TESPA1: variants seen among roughly 807,000 people sequenced by gnomAD.
TESPA1 encodes protein TESPA1.
Under a neutral mutation model 57.9 loss-of-function variants are expected in TESPA1, and 33 were observed. The observed-to-expected ratio is 0.57, with a 90% CI of 0.43 to 0.76. The LOEUF (loss-of-function observed/expected upper bound fraction) is 0.76. TESPA1 is among the 30% of genes least tolerant of loss of function. The probability of loss-of-function intolerance (pLI) is 0.00; values close to 1 mark genes in which losing one functional copy is unlikely to be tolerated. For synonymous variants in TESPA1, 227 were observed against 228.9 expected (o/e 0.99, Z 0.07); for missense variants, 618 against 632.9 (o/e 0.98, Z 0.25).
At chr12:54,959,378 T>C (rs1236659205) in intron 10 of TESPA1, among the ~76,000 whole-genome samples, 1 of 152,216 alleles carries the variant, frequency 6.6e-6, no homozygotes, top group Admixed American at 6.5e-5. Context: ...AGGAATAGAA[T>C]GCTCTGCTGC....
At chr12:54,970,088 A>G (rs1035621967) in intron 3 of TESPA1, among the ~76,000 whole-genome samples, 1 of 152,022 alleles carries the variant, frequency 6.6e-6, no homozygotes, top group Non-Finnish European at 1.5e-5. Context: ...ATGCCTGGCT[A>G]ATTTTAAAAA....
In TESPA1 at chr12:54,962,877, G is replaced by T. The variant is rs1443885878; in HGVS notation, c.1021C>A (p.Gln341Lys). Residue 341 changes from glutamine to lysine, a missense_variant, in exon 9 of 11, where the codon CAG becomes AAG. Gln to Lys is a moderately conservative substitution (Grantham distance 53). Around this residue, in one of 3 missense-constraint regions of TESPA1, gnomAD observed 409 missense variants for 420.1 expected, o/e 0.97. Transcript: ENST00000449076. ...TCAGCAGGGGGCACAGGATCTTCCT[G>T]TGAGAATTGCCCCAAATCAGAGTCT... ...QQDSDLGQFSQEDPVPPAEGK... is the reference protein window; with the variant it reads ...QQDSDLGQFSKEDPVPPAEGK... 1 of 1,613,640 alleles carries T rather than the reference G, an allele frequency of 6.2e-7. No homozygotes were observed. The highest frequency in any genetic ancestry group is 2.2e-5 in the East Asian group (1 of 44,860).
At chr12:54,952,427 A>T (rs951172823) in intron 10 of TESPA1, among the ~76,000 whole-genome samples, 2 of 152,260 alleles carry the variant, frequency 1.3e-5, no homozygotes, top group Non-Finnish European at 2.9e-5. Flanking sequence ...CTTTTTCTAA[A>T]TAGTCAAACA....
Position 54,966,053 on chromosome 12 carries a change from C to G in TESPA1, c.446G>C (p.Ser149Thr). The change falls in exon 7 of 11, where the codon AGC becomes ACC. Residue 149 changes from serine to threonine, a missense_variant and splice_region_variant. Ser to Thr is a moderately conservative substitution (Grantham distance 58, BLOSUM62 1). Coordinates refer to ENST00000449076, the MANE Select transcript of TESPA1 (RefSeq NM_001136030.3). ...CACCCTGCCAAACTTCAGTACCTAC[C>G]TTGAACTAGTCTTGTTGGTCCCCCC... is the stretch of plus-strand genomic sequence containing the variant. ...MTGGTNKTSS[S>T]ISEILDKVQE... The G allele has an allele frequency of 6.4e-7, 1 of 1,568,198 alleles. No homozygotes were observed. Among genetic ancestry groups the G allele is most frequent in the Non-Finnish European group, 8.7e-7 (1 of 1,155,426 alleles).
Position 54,962,922 on chromosome 12 carries a change from C to T in TESPA1, c.976G>A (p.Glu326Lys). ...VLEVMDKVKE[E>K]KQFLQQDSDL... ...GAGTCTTGCTGGAGGAACTGCTTCT[C>T]TTCTTTCACTTTGTCCATCACTTCC... Residue 326 changes from glutamate to lysine, a missense_variant, in exon 9 of 11, where the codon GAG becomes AAG. Transcript: ENST00000449076. 1.2e-6 allele frequency: 2 copies of T among 1,613,766 alleles called. No individual in the cohort carries two copies. The highest frequency in any genetic ancestry group is 1.1e-5 in the South Asian group (1 of 91,072).
intron 10 of TESPA1, among the ~76,000 whole-genome samples, chr12:54,959,822 C>T (rs1221817126): frequency 1.3e-5 from 2 of 152,146 alleles, no homozygotes; most frequent in African/African-American, 4.8e-5. Context: ...GCCAGACCAG[C>T]AACTGAAACC....
chr12:54,961,414 G>A (rs906635679), intron 9 of TESPA1, 147 bp from the exon 10 acceptor site: 2 of 781,446 alleles, frequency 2.6e-6, no homozygotes, highest in Non-Finnish European at 4.2e-6. Context: ...CAGTAATGAG[G>A]AAGGCAGGAG....
Position 54,963,877 on chromosome 12 carries a change from C to G in TESPA1, c.520G>C (p.Asp174His). Residue 174 changes from aspartate (D) to histidine (H), a missense_variant, in exon 8 of 11, where the codon GAT becomes CAT. Physicochemically the swap from Asp to His is moderately conservative, Grantham distance 81. This residue lies in a region of TESPA1 where 10 missense variants were observed against 28.8 expected (regional missense o/e 0.35). Coordinates refer to ENST00000449076, the MANE Select transcript of TESPA1 (RefSeq NM_001136030.3). ...GGTATCCGAGAAGTGTCTTTGTGAT[C>G]CTCTTGGCCAAAGCCCAGACTGAAG... ...VLFSLGFGQEDHKDTSRIPAR... is the reference protein window; with the variant it reads ...VLFSLGFGQEHHKDTSRIPAR... 1 of 1,614,012 alleles carries G rather than the reference C, an allele frequency of 6.2e-7. No individual in the cohort carries two copies. Among genetic ancestry groups the G allele is most frequent in the African/African-American group, 1.3e-5 (1 of 75,050 alleles).
At chr12:54,960,977 TG>T (rs2136087877) in intron 10 of TESPA1, among the ~76,000 whole-genome samples, 190 bp downstream of exon 10, 1 of 152,262 alleles carries the variant, frequency 6.6e-6, no homozygotes, top group African/African-American at 2.4e-5. Context: ...TGGGCATCAT[TG>T]ATCTAGAGAG....
intron 10 of TESPA1, among the ~76,000 whole-genome samples, chr12:54,957,587 T>C (rs1467833011): frequency 2.0e-5 from 3 of 152,190 alleles, no homozygotes; most frequent in Admixed American, 6.5e-5. Flanking sequence ...AAATAGGTTA[T>C]AGCTTTGTGA....
chr12:54,971,776 T>G (rs1373721192), intron 3 of TESPA1, among the ~76,000 whole-genome samples: 1 of 152,148 alleles, frequency 6.6e-6, no homozygotes, highest in Non-Finnish European at 1.5e-5. Flanking sequence ...TTATTTTACT[T>G]CTAAAGTCAA....
chr12:54,965,925 G>A, intron 7 of TESPA1, 128 bp downstream of exon 7: 2 of 818,626 alleles, frequency 2.4e-6, no homozygotes. Flanking sequence ...CATTTTTCAA[G>A]TATGCAGTAA....
At chr12:54,973,329 A>G in intron 3 of TESPA1, 148 bp downstream of exon 3, 5 of 1,154,896 alleles carry the variant, frequency 4.3e-6, no homozygotes, top group Non-Finnish European at 6.3e-6. Context: ...TAAACCCGCA[A>G]CACCCCTCCA....
intron 5 of TESPA1, 63 bp downstream of exon 5, chr12:54,967,120 C>G: frequency 6.3e-7 from 1 of 1,587,650 alleles, no homozygotes; most frequent in Non-Finnish European, 8.6e-7. Flanking sequence ...TCCATCCTAT[C>G]CTGAATTCAT....
intron 3 of TESPA1, among the ~76,000 whole-genome samples, chr12:54,970,018 C>T (rs1056666801): frequency 6.6e-6 from 1 of 152,182 alleles, no homozygotes; most frequent in Non-Finnish European, 1.5e-5. Context: ...CCTTGAACTC[C>T]TAAGCCCAAG....
chr12:54,953,617 A>C lies in TESPA1; in HGVS notation c.*2-3227T>G, dbSNP rs545986427. On this transcript the variant is annotated intron_variant, in intron 10 of 10. Coordinates refer to ENST00000449076, the MANE Select transcript of TESPA1 (RefSeq NM_001136030.3). ...ACTGCAAGCTCCGCCTCCCGGGTTC[A>C]CGCCATTCTCCTGCCTCAAGCCTCC... Among the ~76,000 whole-genome samples the C allele has an allele frequency of 9.5e-5, 14 of 148,068 alleles. No homozygotes were observed. In the East Asian group the frequency reaches 2.9e-3, roughly 31 times the overall value.
intron 5 of TESPA1, among the ~76,000 whole-genome samples, chr12:54,966,899 G>A (rs868453402): frequency 6.6e-6 from 1 of 152,126 alleles, no homozygotes; most frequent in South Asian, 2.1e-4. Context: ...AGCTATCTGG[G>A]CAGCAAACAT....
At position 54,961,200 on chromosome 12, in the gene TESPA1, T is replaced by C; in HGVS notation, c.1535A>G (p.His512Arg). Residue 512 changes from histidine to arginine, a missense_variant, in exon 10 of 11, where the codon CAC becomes CGC. His to Arg is a conservative substitution (Grantham distance 29). Coordinates refer to ENST00000449076, the MANE Select transcript of TESPA1 (RefSeq NM_001136030.3). ...RWPSRPRHPH[H>R]HQTFAGKDS ...GTCTTTGCCAGCAAAAGTCTGGTGGTGGTGGGGGTGCCTGGGTCTGCTGGG... is the reference window on the plus strand; with the variant it reads ...GTCTTTGCCAGCAAAAGTCTGGTGGCGGTGGGGGTGCCTGGGTCTGCTGGG... 6.2e-7 allele frequency: 1 copy of C among 1,613,424 alleles called. No homozygotes were observed. The highest frequency in any genetic ancestry group is 8.5e-7 in the Non-Finnish European group (1 of 1,179,778).
Position 54,963,039 on chromosome 12 carries a change from T to C in TESPA1, c.859A>G (p.Ile287Val), listed in dbSNP as rs151024475. ...CATGTGTACAGACACATCTTGGAGA[T>C]GGCTTTCCGAAGGCGGTCTCTGGGT... ...QSPRDRLRKAISKMCLYTCPR... is the reference protein window; with the variant it reads ...QSPRDRLRKAVSKMCLYTCPR... Residue 287 changes from isoleucine (I) to valine (V), a missense_variant, in exon 9 of 11, where the codon ATC (isoleucine) becomes GTC (valine). This residue lies in a region of TESPA1 where 409 missense variants were observed against 420.1 expected (regional missense o/e 0.97). Transcript: ENST00000449076. The C allele has an allele frequency of 4.9e-3, 7,933 of 1,613,898 alleles. 52 individuals carry two copies. The highest frequency in any genetic ancestry group is 0.023 in the Middle Eastern group (138 of 6,060).
Sources: allele counts gnomAD v4.1 joint callset (sites outside exome capture counted in the v4.1 genomes callset), GRCh38; gene constraint gnomAD v4.1.1; regional missense constraint gnomAD v4.1.1; transcripts MANE v1.5; gene names NCBI Gene and HGNC (gene_info 2026-07-23, HGNC 2026-07-21).